PLSCR5: variants seen among roughly 807,000 people sequenced by gnomAD.
PLSCR5 encodes phospholipid scramblase family, member 5.
A neutral mutation model predicts 33.6 loss-of-function variants in PLSCR5; 44 were observed. That is an observed-to-expected ratio of 1.31 (90% CI 1.03 to 1.69). The LOEUF is 1.69. Ranked by LOEUF, PLSCR5 falls within the 40% of genes most tolerant of loss-of-function variation. The pLI, the probability that PLSCR5 is intolerant of heterozygous loss-of-function variation, is 0.00. For synonymous variants in PLSCR5, 148 were observed against 112.3 expected (o/e 1.32, Z -2.01); for missense variants, 375 against 318.7 (o/e 1.18, Z -1.34).
At chr3:146,598,312 T>C (rs2044780296) in intron 2 of PLSCR5, among the ~76,000 whole-genome samples, 1 of 152,194 alleles carries the variant, frequency 6.6e-6, no homozygotes, top group East Asian at 1.9e-4. Context: ...TTATATTGTG[T>C]CTCTTCCAGA....
At chr3:146,599,905 C>A (rs2044796868) in intron 2 of PLSCR5, among the ~76,000 whole-genome samples, 2 of 151,964 alleles carry the variant, frequency 1.3e-5, no homozygotes, top group African/African-American at 4.8e-5. Context: ...CCTGGCTTAT[C>A]CACATGCCAT....
intron 2 of PLSCR5, among the ~76,000 whole-genome samples, chr3:146,595,458 A>T (rs1047049099): frequency 1.3e-5 from 2 of 152,142 alleles, no homozygotes; most frequent in African/African-American, 4.8e-5. Flanking sequence ...TCTTTACAAA[A>T]ATTAGCTGGC....
chr3:146,585,579 G>C (rs1267204304), downstream of PLSCR5, among the ~76,000 whole-genome samples: 1 of 151,974 alleles, frequency 6.6e-6, no homozygotes. Context: ...AAAGTATAAA[G>C]GGACTACTTT....
intron 7 of PLSCR5, among the ~76,000 whole-genome samples, chr3:146,577,314 T>A (rs1210882815): frequency 6.6e-6 from 1 of 152,112 alleles, no homozygotes; most frequent in East Asian, 1.9e-4. Flanking sequence ...TGACCTTGAG[T>A]CACCAAACTG....
intron 2 of PLSCR5, among the ~76,000 whole-genome samples, chr3:146,597,850 G>T (rs893350124): frequency 6.6e-5 from 10 of 152,014 alleles, no homozygotes; most frequent in African/African-American, 2.4e-5. Context: ...CAAGTTGACA[G>T]GTATCAATGA....
In PLSCR5 at chr3:146,604,864, T is replaced by A. The variant is rs558829229; in HGVS notation, c.13+336A>T. Among the ~76,000 whole-genome samples, 55 of 152,272 alleles carry A rather than the reference T, an allele frequency of 3.6e-4. No homozygotes were observed. In the Middle Eastern group the frequency reaches 0.014, roughly 38 times the overall value. ...TTATGTGTGAAAAGTTTTCTTCAAA[T>A]CCTTTTAAACTTAAAATATCACCCT... On this transcript the variant is annotated intron_variant, in intron 1 of 7. Coordinates refer to ENST00000443512, the MANE Select transcript of PLSCR5 (RefSeq NM_001085420.2).
intron 1 of PLSCR5, among the ~76,000 whole-genome samples, chr3:146,604,514 C>A (rs1012369991): frequency 1.3e-5 from 2 of 151,998 alleles, no homozygotes; most frequent in Non-Finnish European, 2.9e-5. Flanking sequence ...CTTTATAATT[C>A]AGAAATACTT....
At chr3:146,584,739 C>T (rs962778724), downstream of PLSCR5, among the ~76,000 whole-genome samples, 1 of 152,116 alleles carries the variant, frequency 6.6e-6, no homozygotes, top group Non-Finnish European at 1.5e-5. Context: ...AAAGCCCTTA[C>T]TCCAGAGCCT....
intron 6 of PLSCR5, among the ~76,000 whole-genome samples, chr3:146,586,529 T>A (rs1576816866): frequency 6.6e-6 from 1 of 152,218 alleles, no homozygotes; most frequent in Admixed American, 6.5e-5. Flanking sequence ...TTAGACTGTA[T>A]GCATTCTGGG....
Position 146,589,787 on chromosome 3 carries a change from T to C in PLSCR5, c.643A>G (p.Ile215Val). Residue 215 changes from isoleucine (I) to valine (V), a missense_variant, in exon 6 of 8, where the codon ATT becomes GTT. By Grantham distance (29) the Ile-to-Val change is conservative. Transcript: ENST00000443512. ...GACCAGTACTTTGAAATCTTCCCAA[T>C]TGTAAGCTTTTCATTAATGGTTTTC... is the stretch of plus-strand genomic sequence containing the variant. ...EVKTINEKLT[I>V]GKISKYWSGF... is the part of the protein sequence containing the mutation. 2 of 1,556,442 alleles carry C rather than the reference T, an allele frequency of 1.3e-6. No individual in the cohort carries two copies. Among genetic ancestry groups the C allele is most frequent in the African/African-American group, 1.4e-5 (1 of 73,668 alleles).
In PLSCR5 at chr3:146,593,972, A is replaced by C. The variant is rs567680569; in HGVS notation, c.401T>G (p.Val134Gly). The change falls in exon 4 of 8, where the codon GTG (valine) becomes GGG (glycine). Residue 134 changes from valine to glycine, a missense_variant. Coordinates refer to ENST00000443512, the MANE Select transcript of PLSCR5 (RefSeq NM_001085420.2). The stretch of plus-strand genomic sequence containing the variant: ...GCTGTTACATCTCAAGGGCCTGTTC[A>C]CTGTAATGACCTCTCGACCTGAGTT... Reference protein sequence around the residue: ...TDNSGREVITVNRPLRCNSCW... With the variant: ...TDNSGREVITGNRPLRCNSCW... The C allele has an allele frequency of 1.2e-6, 2 of 1,613,828 alleles. No individual in the cohort carries two copies. Among genetic ancestry groups the C allele is most frequent in the African/African-American group, 2.7e-5 (2 of 75,030 alleles).
intron 1 of PLSCR5, among the ~76,000 whole-genome samples, chr3:146,604,141 A>C (rs144123602): frequency 1.4e-3 from 211 of 152,254 alleles, no homozygotes; most frequent in South Asian, 6.0e-3. Context: ...ATTAATTTAA[A>C]AGGTTTTCAC....
intron 6 of PLSCR5, among the ~76,000 whole-genome samples, chr3:146,589,415 A>T (rs889194397): frequency 1.3e-5 from 2 of 152,174 alleles, no homozygotes; most frequent in African/African-American, 4.8e-5. Context: ...GATGAATAGG[A>T]TGTGATAACA....
intron 4 of PLSCR5, among the ~76,000 whole-genome samples, chr3:146,592,967 T>C (rs1400649441): frequency 6.6e-6 from 1 of 152,202 alleles, no homozygotes; most frequent in Non-Finnish European, 1.5e-5. Flanking sequence ...TCAATCATTT[T>C]ATCACTTAGT....
At chr3:146,581,974 A>G (rs1052708466), downstream of PLSCR5, among the ~76,000 whole-genome samples, 1 of 152,182 alleles carries the variant, frequency 6.6e-6, no homozygotes, top group Non-Finnish European at 1.5e-5. Context: ...TCTAGTTGAA[A>G]AGATACCCAC....
At chr3:146,588,897 G>A (rs1252207082) in intron 6 of PLSCR5, among the ~76,000 whole-genome samples, 1 of 152,056 alleles carries the variant, frequency 6.6e-6, no homozygotes, top group African/African-American at 2.4e-5. Flanking sequence ...GTGTGCCTGT[G>A]TATACACATC....
intron 7 of PLSCR5, among the ~76,000 whole-genome samples, chr3:146,579,038 A>C (rs1207158786): frequency 2.0e-5 from 3 of 152,086 alleles, no homozygotes; most frequent in African/African-American, 4.8e-5. Context: ...CAAATTATTT[A>C]AATATGTGAT....
intron 7 of PLSCR5, among the ~76,000 whole-genome samples, chr3:146,580,106 T>G (rs2044623578): frequency 6.6e-6 from 1 of 152,214 alleles, no homozygotes; most frequent in Non-Finnish European, 1.5e-5. Context: ...CTTCCTTTTT[T>G]TGTGCCTTTG....
chr3:146,592,462 C>T (rs1466351994), intron 4 of PLSCR5, among the ~76,000 whole-genome samples: 4 of 151,930 alleles, frequency 2.6e-5, no homozygotes, highest in Non-Finnish European at 4.4e-5. Flanking sequence ...TTGCATTATC[C>T]GGCATTACTT....
Sources: allele counts gnomAD v4.1 joint callset (sites outside exome capture counted in the v4.1 genomes callset), GRCh38; gene constraint gnomAD v4.1.1; transcripts MANE v1.5; gene names NCBI Gene and HGNC (gene_info 2026-07-23, HGNC 2026-07-21).